The following MIDN variants were observed in gnomAD, a reference collection of about 807,000 sequenced individuals.
MIDN encodes midbrain nucleolar protein.
In MIDN, 26 loss-of-function variants were observed where a neutral mutation model predicts 46.1. The ratio of observed to expected loss-of-function variants is 0.56; its 90% CI spans 0.41 to 0.78. The LOEUF (loss-of-function observed/expected upper bound fraction) is 0.78, where lower values mean the gene tolerates loss of function less well. Ranked by LOEUF, MIDN falls within the 30% of genes least tolerant of loss-of-function variation. MIDN has a pLI of 0.00. For synonymous variants in MIDN, 432 were observed against 343.3 expected (o/e 1.26, Z -2.86); for missense variants, 850 against 771.8 (o/e 1.10, Z -1.20).
rs769356196 is a variant in MIDN at position 1,257,288 on chromosome 19, C to G, written c.*16C>G. 2 of 1,608,106 alleles carry G rather than the reference C, an allele frequency of 1.2e-6. No individual in the cohort carries two copies. Among genetic ancestry groups the G allele is most frequent in the Admixed American group, 3.3e-5 (2 of 59,768 alleles). ...GGTGGCTTAGGATCTTCGGATCGGC[C>G]ACCCTCGCCCCTCGCACCCCAGCCC... On this transcript the variant is annotated 3_prime_UTR_variant, in exon 9 of 9. Coordinates refer to ENST00000682408, the MANE Select transcript of MIDN (RefSeq NM_001388306.1).
At chr19:1,253,035 G>C (rs1441454950) in intron 4 of MIDN, among the ~76,000 whole-genome samples, 1 of 145,394 alleles carries the variant, frequency 6.9e-6, no homozygotes, top group African/African-American at 2.6e-5. Context: ...GAGCTGGGTT[G>C]GGGGGGGCTG....
intron 7 of MIDN, 129 bp downstream of exon 7, chr19:1,255,190 C>A: frequency 1.6e-6 from 2 of 1,229,852 alleles, no homozygotes; most frequent in Non-Finnish European, 2.2e-6. Context: ...GCTCACTTCA[C>A]ATGTCCCCCA....
chr19:1,255,836 T>C (rs1340275997), intron 8 of MIDN, 142 bp downstream of exon 8: 7 of 782,214 alleles, frequency 8.9e-6, no homozygotes, highest in Non-Finnish European at 1.4e-5. Context: ...ACTGCTCTGC[T>C]CCAGCCCGGA....
Position 1,251,558 on chromosome 19 carries a change from C to G in MIDN, c.234-4C>G, listed in dbSNP as rs772083370. On this transcript the variant is annotated splice_polypyrimidine_tract_variant and splice_region_variant and intron_variant, in intron 2 of 8. Coordinates refer to ENST00000682408, the MANE Select transcript of MIDN (RefSeq NM_001388306.1). ...AGTCTCATGCTCTTCCTTCCTCCCC[C>G]CAGCCGGCTCAGTTCGGGGAAGCTG... 13 of 1,607,370 alleles carry G rather than the reference C, an allele frequency of 8.1e-6. No homozygotes were observed. Among genetic ancestry groups the G allele is most frequent in the Middle Eastern group, 1.7e-4 (1 of 6,054 alleles).
Position 1,257,517 on chromosome 19 carries a change from T to TTCCTCCTCCTCCTCCTCC in MIDN, c.*249_*266dup, listed in dbSNP as rs373707840. The TTCCTCCTCCTCCTCCTCC allele has an allele frequency of 9.8e-6, 4 of 406,604 alleles. No homozygotes were observed. Among genetic ancestry groups the TTCCTCCTCCTCCTCCTCC allele is most frequent in the African/African-American group, 6.6e-5 (3 of 45,178 alleles). 25.2% of individuals were successfully genotyped at this position (406,604 alleles called of 1,614,324 possible). A position where few individuals can be genotyped will look rare whatever the true frequency, so the allele number is the denominator to read the frequency against. On this transcript the variant is annotated 3_prime_UTR_variant, in exon 9 of 9. Coordinates refer to ENST00000682408, the MANE Select transcript of MIDN (RefSeq NM_001388306.1). Reference sequence around the variant, plus strand: ...TTCACCCTTCACTCCTGCCCTCCTCTTCCTCCTCCTCCTCCTCCTCCGTCT... The same window carrying TTCCTCCTCCTCCTCCTCC: ...TTCACCCTTCACTCCTGCCCTCCTCTTCCTCCTCCTCCTCCTCCTCCTCCTCCTCCTCCTCCTCCGTCT...
chr19:1,255,598 C>A lies in MIDN; in HGVS notation c.1162C>A (p.Leu388Met). The change falls in exon 8 of 9, where the codon CTG (leucine) becomes ATG (methionine). Residue 388 changes from leucine to methionine, a missense_variant. Transcript: ENST00000682408. ...QCSPASPAPD[L>M]APRTTSCEKL... ...CTCCCCGGCCTCACCGGCCCCCGAC[C>A]TGGCCCCCAGAACTACCTCCTGCGA... is the stretch of plus-strand genomic sequence containing the variant. 1 of 1,610,174 alleles carries A rather than the reference C, an allele frequency of 6.2e-7. No individual in the cohort carries two copies. The highest frequency in any genetic ancestry group is 1.7e-4 in the Middle Eastern group (1 of 6,056).
At chr19:1,256,872 G>A in intron 8 of MIDN, 123 bp from the exon 9 acceptor site, 1 of 1,434,906 alleles carries the variant, frequency 7.0e-7, no homozygotes, top group East Asian at 2.3e-5. Context: ...TTCCTTTGCT[G>A]ACCTCCCTCC....
At chr19:1,252,681 G>A (rs1405289256) in intron 4 of MIDN, among the ~76,000 whole-genome samples, 1 of 152,204 alleles carries the variant, frequency 6.6e-6, no homozygotes, top group Non-Finnish European at 1.5e-5. Context: ...GGGGACGCAG[G>A]CTGCCACCCG....
At position 1,254,509 on chromosome 19, in the gene MIDN, G is replaced by C. The variant is rs1177684336; in HGVS notation, c.825+31G>C. The C allele has an allele frequency of 3.3e-6, 5 of 1,536,408 alleles. No individual in the cohort carries two copies. In the South Asian group the frequency reaches 5.9e-5, roughly 18 times the overall value. On this transcript the variant is annotated intron_variant, in intron 6 of 8. Coordinates refer to ENST00000682408, the MANE Select transcript of MIDN (RefSeq NM_001388306.1). ...CCTGGGGAAGGGAAGGGTGACCCTT[G>C]GTTGGAATCCAAAGGGTGGGCCGTC...
In MIDN at chr19:1,254,355, C is replaced by T. The variant is rs760463525; in HGVS notation, c.702C>T (p.Pro234=). ...GCATAGCCTCCCCCGTGTCCTCGCC[C>T]TGCCGGCCGGTGTCCAGTGCCGCCC... The part of the protein sequence containing the change: ...DPSIASPVSS[P]CRPVSSAARV... Residue 234 remains proline, a synonymous_variant, in exon 6 of 9, where the codon CCC becomes CCT. Transcript: ENST00000682408. 2.6e-6 allele frequency: 4 copies of T among 1,562,896 alleles called. No individual in the cohort carries two copies. Among genetic ancestry groups the T allele is most frequent in the Non-Finnish European group, 3.4e-6 (4 of 1,161,224 alleles).
Position 1,255,675 on chromosome 19 carries a change from C to T in MIDN, c.1239C>T (p.Ile413=), listed in dbSNP as rs767726886. The T allele has an allele frequency of 6.3e-7, 1 of 1,592,494 alleles. No individual in the cohort carries two copies. The highest frequency in any genetic ancestry group is 1.1e-5 in the South Asian group (1 of 89,914). Residue 413 remains isoleucine, a synonymous_variant, in exon 8 of 9, where the codon ATC becomes ATT. Transcript: ENST00000682408. The part of the protein sequence containing the change: ...SASLLQGQSQ[I]RMCKPPGDRL... ...CCCTGCTGCAGGGCCAGAGCCAGAT[C>T]CGCATGTGCAAGCCCCCGGGTGAGT...
At chr19:1,249,340 C>T (rs955669881) in intron 1 of MIDN, among the ~76,000 whole-genome samples, 7 of 150,632 alleles carry the variant, frequency 4.6e-5, no homozygotes, top group African/African-American at 1.7e-4. Context: ...CGCCCGCCCG[C>T]CCCGGGACCC....
chr19:1,256,034 T>C (rs2081195148), intron 8 of MIDN, among the ~76,000 whole-genome samples: 1 of 152,118 alleles, frequency 6.6e-6, no homozygotes, highest in Non-Finnish European at 1.5e-5. Context: ...AGCATTTCAG[T>C]GACTTGGAAA....
At chr19:1,252,651 A>G (rs2081146059) in intron 4 of MIDN, among the ~76,000 whole-genome samples, 1 of 152,038 alleles carries the variant, frequency 6.6e-6, no homozygotes, top group South Asian at 2.1e-4. Context: ...GGCCTCAGCA[A>G]TCCGCCCGCT....
chr19:1,257,100 C>T lies in MIDN; in HGVS notation c.1364C>T (p.Ala455Val), dbSNP rs763398874. The part of the protein sequence containing the change: ...KRLRRKARRD[A>V]RGPYHWSPSR... ...CTCCGTAGAAAGGCCCGGCGGGACG[C>T]GCGGGGTCCGTACCACTGGTCACCC... The change falls in exon 9 of 9, where the codon GCG becomes GTG. Residue 455 changes from alanine to valine, a missense_variant. Coordinates refer to ENST00000682408, the MANE Select transcript of MIDN (RefSeq NM_001388306.1). 86 of 1,611,898 alleles carry T rather than the reference C, an allele frequency of 5.3e-5. 1 individual carries two copies. In the Admixed American group the frequency reaches 6.2e-4, roughly 12 times the overall value.
At chr19:1,256,505 G>T (rs2081201119) in intron 8 of MIDN, among the ~76,000 whole-genome samples, 1 of 150,986 alleles carries the variant, frequency 6.6e-6, no homozygotes, top group Admixed American at 6.6e-5. Flanking sequence ...AAAAACCAAG[G>T]TACAACCCCC....
chr19:1,255,197 C>T, intron 7 of MIDN, 136 bp downstream of exon 7: 1 of 1,193,982 alleles, frequency 8.4e-7, no homozygotes, highest in Non-Finnish European at 1.2e-6. Context: ...TCACATGTCC[C>T]CCAGGAATCC....
Position 1,258,141 on chromosome 19 carries a change from A to C in MIDN, c.*869A>C, listed in dbSNP as rs2081224518. On this transcript the variant is annotated 3_prime_UTR_variant, in exon 9 of 9. Transcript: ENST00000682408. Reference sequence around the variant, plus strand: ...CCTCCTGCCTGAGTTTGGGGTATTTATAGACTATTAATTTTCTGACTGAGC... The same window carrying C: ...CCTCCTGCCTGAGTTTGGGGTATTTCTAGACTATTAATTTTCTGACTGAGC... 6.6e-6 allele frequency: 1 copy of C among 152,488 alleles called. No homozygotes were observed. The highest frequency in any genetic ancestry group is 2.4e-5 in the African/African-American group (1 of 41,408). The allele number at this position is 152,488 out of a possible 1,614,324, so 9.4% of individuals were successfully genotyped here.
rs564894515 is a variant in MIDN, at chr19:1,251,139, G to A, written c.234-423G>A. The A allele has an allele frequency of 1.1e-4, 18 of 158,566 alleles. No homozygotes were observed. The South Asian group carries it at 2.8e-3, about 24-fold the overall frequency. The allele number at this position is 158,566 out of a possible 1,614,324, so 9.8% of individuals were successfully genotyped here. ...GGGAGGGAGGAGGAGGGGGAGCCCG[G>A]CCCGGCGCAACCCCCAGGGCCTCTC... On this transcript the variant is annotated intron_variant, in intron 2 of 8. Coordinates refer to ENST00000682408, the MANE Select transcript of MIDN (RefSeq NM_001388306.1).
Sources: allele counts gnomAD v4.1 joint callset (sites outside exome capture counted in the v4.1 genomes callset), GRCh38; gene constraint gnomAD v4.1.1; transcripts MANE v1.5; gene names NCBI Gene and HGNC (gene_info 2026-07-23, HGNC 2026-07-21).